The following KLHL14 variants were observed in gnomAD, a reference collection of about 807,000 sequenced individuals.
The protein encoded by KLHL14 is kelch like family member 14, also known as kelch-like protein 14.
Under a neutral mutation model 64.3 loss-of-function variants are expected in KLHL14, and 22 were observed. The observed-to-expected ratio is 0.34, with a 90% CI of 0.24 to 0.49. The LOEUF (loss-of-function observed/expected upper bound fraction) is 0.49, where lower values mean the gene tolerates loss of function less well. KLHL14 is among the 20% of genes least tolerant of loss of function. The probability of loss-of-function intolerance (pLI) is 0.99; values close to 1 mark genes in which losing one functional copy is unlikely to be tolerated. For missense variants in KLHL14, 661 were observed against 789.0 expected, an observed-to-expected ratio of 0.84 and a Z score of 1.94; for synonymous variants, 322 against 333.4, an observed-to-expected ratio of 0.97 and a Z score of 0.37.
At chr18:32,750,705 T>G (rs193278950) in intron 2 of KLHL14, among the ~76,000 whole-genome samples, 2 of 152,320 alleles carry the variant, frequency 1.3e-5, no homozygotes, top group East Asian at 3.9e-4. Context: ...TCTTGCTATA[T>G]TCTATAGTTT....
rs550339614 is a variant in KLHL14 at position 32,683,906 on chromosome 18, C to T, written c.1238+3249G>A. Among the ~76,000 whole-genome samples the T allele has an allele frequency of 6.6e-6, 1 of 152,164 alleles. No individual in the cohort carries two copies. Among genetic ancestry groups the T allele is most frequent in the South Asian group, 2.1e-4 (1 of 4,812 alleles). ...TTGTCTCCCATTGTTTCTTGTAACA[C>T]AAAATATTACTAGAAAAACAAAATA... is the stretch of plus-strand genomic sequence containing the variant. On this transcript the variant is annotated intron_variant, in intron 5 of 8. Coordinates refer to ENST00000359358, the MANE Select transcript of KLHL14 (RefSeq NM_020805.3). The surrounding 1 kb of genome is among the most constrained non-coding windows in gnomAD (Gnocchi z 4.2).
intron 5 of KLHL14, 44 bp downstream of exon 5, chr18:32,687,111 T>A: frequency 2.0e-6 from 3 of 1,517,270 alleles, no homozygotes; most frequent in Non-Finnish European, 2.7e-6. Flanking sequence ...ATGCCTCCTG[T>A]AAAGCCGTCA....
chr18:32,720,641 GGATGACATGCGGCCAAAC>G (rs2050073854), intron 3 of KLHL14, among the ~76,000 whole-genome samples: 1 of 151,898 alleles, frequency 6.6e-6, no homozygotes, highest in Non-Finnish European at 1.5e-5. Flanking sequence ...AGGGGGCTTG[GGATGACATGCGGCCAAAC>G]ACTAATGCTT....
At chr18:32,759,871 C>G (rs564288935) in intron 2 of KLHL14, among the ~76,000 whole-genome samples, 11 of 152,234 alleles carry the variant, frequency 7.2e-5, no homozygotes, top group Admixed American at 6.5e-4. Context: ...TGTAATACAC[C>G]CATACTGACT....
chr18:32,713,295 C>T (rs1011203172), intron 3 of KLHL14, among the ~76,000 whole-genome samples: 5 of 152,176 alleles, frequency 3.3e-5, no homozygotes, highest in East Asian at 1.9e-4. Flanking sequence ...CTTACCAGTG[C>T]CCCCAAACGA....
intron 2 of KLHL14, among the ~76,000 whole-genome samples, chr18:32,760,334 A>C (rs1316662805): frequency 1.0e-5 from 1 of 96,216 alleles, no homozygotes; most frequent in African/African-American, 4.0e-5. Flanking sequence ...GTGTACACAC[A>C]GACATACACA....
chr18:32,707,957 T>G (rs560000557), intron 3 of KLHL14, among the ~76,000 whole-genome samples: 9 of 152,332 alleles, frequency 5.9e-5, no homozygotes, highest in Admixed American at 4.6e-4. Context: ...AAACTTTAAA[T>G]GTATTTACTG....
chr18:32,691,318 G>T (rs1208006709), intron 4 of KLHL14, among the ~76,000 whole-genome samples: 1 of 152,182 alleles, frequency 6.6e-6, no homozygotes, highest in Non-Finnish European at 1.5e-5. Flanking sequence ...ATTCAGAGAA[G>T]AGGCTAAGCA....
At chr18:32,758,873 C>T (rs1434983520) in intron 2 of KLHL14, among the ~76,000 whole-genome samples, 1 of 151,982 alleles carries the variant, frequency 6.6e-6, no homozygotes, top group Non-Finnish European at 1.5e-5. Flanking sequence ...ATGAAATGTC[C>T]AGAATAGGCA....
chr18:32,697,329 T>C (rs1198787340), intron 3 of KLHL14, among the ~76,000 whole-genome samples: 1 of 152,192 alleles, frequency 6.6e-6, no homozygotes, highest in Admixed American at 6.5e-5. Flanking sequence ...AAAACGAAGC[T>C]TCCCTTGTCA....
chr18:32,770,960 C>T lies in KLHL14; in HGVS notation c.-43-326G>A. The T allele has an allele frequency of 2.3e-6, 1 of 443,230 alleles. No homozygotes were observed. The highest frequency in any genetic ancestry group is 4.4e-6 in the Non-Finnish European group (1 of 225,130). 27.5% of individuals were successfully genotyped at this position (443,230 alleles called of 1,614,324 possible). ...TCAGCTCGGCTGTTGGCAGCAACAG[C>T]AGTGGCAGCAGCGACGGCAAAGTGG... On this transcript the variant is annotated intron_variant, in intron 1 of 8. Coordinates refer to ENST00000359358, the MANE Select transcript of KLHL14 (RefSeq NM_020805.3). This position sits in a 1 kb window ranked among gnomAD's most constrained non-coding sequence, Gnocchi z 6.7.
chr18:32,695,525 C>T lies in KLHL14; in HGVS notation c.1097G>A (p.Cys366Tyr). 6.2e-7 allele frequency: 1 copy of T among 1,607,180 alleles called. No homozygotes were observed. The highest frequency in any genetic ancestry group is 8.5e-7 in the Non-Finnish European group (1 of 1,174,334). The change falls in exon 4 of 9, where the codon TGC (cysteine) becomes TAC (tyrosine). Residue 366 changes from cysteine to tyrosine, a missense_variant. This residue lies in a region of KLHL14 where 330 missense variants were observed against 450.0 expected (regional missense o/e 0.73). Transcript: ENST00000359358. ...TIMPYNSAHH[C>Y]VVEVENFLFV... The stretch of plus-strand genomic sequence containing the variant: ...CAAGAAGTTTTCCACCTCCACAACG[C>T]AGTGGTGGGCACTGTTGTATGGCAT...
rs376022965 is a variant in KLHL14 at position 32,771,654 on chromosome 18, G to A, written c.-44+1013C>T. Among the ~76,000 whole-genome samples, 551 of 152,276 alleles carry A rather than the reference G, an allele frequency of 3.6e-3. 4 individuals are homozygous for A. Among genetic ancestry groups the A allele is most frequent in the African/African-American group, 0.013 (527 of 41,558 alleles). On this transcript the variant is annotated intron_variant, in intron 1 of 8. Transcript: ENST00000359358. ...GGCTGCGAGGACGCGTTTGGAGAGG[G>A]AGCCGGGAGGCCTGGAGGCCGGGAG...
chr18:32,693,913 A>G (rs1253434336), intron 4 of KLHL14, among the ~76,000 whole-genome samples: 1 of 152,176 alleles, frequency 6.6e-6, no homozygotes, highest in Non-Finnish European at 1.5e-5. Flanking sequence ...CCCCCACCCA[A>G]TTCTCTCAGA....
chr18:32,771,279 G>A (rs2050383140), intron 1 of KLHL14, among the ~76,000 whole-genome samples: 1 of 152,106 alleles, frequency 6.6e-6, no homozygotes, highest in African/African-American at 2.4e-5. Flanking sequence ...ATAGTCTGAG[G>A]GAGGAGATAA....
Position 32,769,629 on chromosome 18 carries a change from C to T in KLHL14, c.947+16G>A. On this transcript the variant is annotated intron_variant, in intron 2 of 8. Coordinates refer to ENST00000359358, the MANE Select transcript of KLHL14 (RefSeq NM_020805.3). ...CTACCCCCCCCTCCCCCGCCCTCCT[C>T]TTTGTTGTCTCCTACCTGCTGGCCA... 1 of 1,459,284 alleles carries T rather than the reference C, an allele frequency of 6.9e-7. No individual in the cohort carries two copies. Among genetic ancestry groups the T allele is most frequent in the Non-Finnish European group, 9.1e-7 (1 of 1,095,966 alleles). 90.4% of individuals were successfully genotyped at this position (1,459,284 alleles called of 1,614,324 possible). A position where few individuals can be genotyped will look rare whatever the true frequency, so the allele number is the denominator to read the frequency against.
At chr18:32,711,137 A>C (rs1166713417) in intron 3 of KLHL14, among the ~76,000 whole-genome samples, 1 of 152,188 alleles carries the variant, frequency 6.6e-6, no homozygotes, top group Non-Finnish European at 1.5e-5. Flanking sequence ...AAATCCAACA[A>C]AAGAAAGGTC....
intron 4 of KLHL14, among the ~76,000 whole-genome samples, chr18:32,688,111 G>T (rs2049888485): frequency 1.3e-5 from 2 of 152,112 alleles, no homozygotes; most frequent in South Asian, 4.1e-4. Flanking sequence ...AACAAGAAAT[G>T]GAAGCAAAAT....
chr18:32,691,917 G>C (rs375675291), intron 4 of KLHL14, among the ~76,000 whole-genome samples: 1 of 152,132 alleles, frequency 6.6e-6, no homozygotes, highest in East Asian at 1.9e-4. Context: ...TGGGGCAAAG[G>C]GTGGCAGTTT....
Sources: allele counts gnomAD v4.1 joint callset (sites outside exome capture counted in the v4.1 genomes callset), GRCh38; gene constraint gnomAD v4.1.1; regional missense constraint gnomAD v4.1.1; non-coding constraint Gnocchi (gnomAD v3.1); transcripts MANE v1.5; gene names NCBI Gene and HGNC (gene_info 2026-07-23, HGNC 2026-07-21).